The following TUBA8 variants were observed in gnomAD, a reference collection of about 807,000 sequenced individuals.
TUBA8 encodes the protein tubulin alpha 8, also known as tubulin alpha-8 chain.
In TUBA8, 29 loss-of-function variants were observed where a neutral mutation model predicts 34.7. The ratio of observed to expected loss-of-function variants is 0.84; its 90% CI spans 0.62 to 1.14. The LOEUF (loss-of-function observed/expected upper bound fraction) is 1.14. TUBA8 is among the 50% of genes most tolerant of loss of function. TUBA8 has a pLI of 0.00. For missense variants in TUBA8, 541 were observed against 599.2 expected, an observed-to-expected ratio of 0.90 and a Z score of 1.01; for synonymous variants, 226 against 231.2, an observed-to-expected ratio of 0.98 and a Z score of 0.21.
At chr22:18,130,462 C>T in intron 4 of TUBA8, 1 of 263,278 alleles carries the variant, frequency 3.8e-6, no homozygotes, top group Non-Finnish European at 7.3e-6. Flanking sequence ...TTGCTGTGTC[C>T]CTGCCACTGG....
At chr22:18,125,517 A>G (rs947882142) in intron 3 of TUBA8, 2 of 150,776 alleles carry the variant, frequency 1.3e-5, no homozygotes, top group African/African-American at 4.9e-5. Context: ...CTGTCTCAAA[A>G]AAAAAAAAAA....
In TUBA8 at chr22:18,124,023, C is replaced by G. The variant is rs937608439; in HGVS notation, c.227-133C>G. On this transcript the variant is annotated intron_variant, in intron 2 of 4. Coordinates refer to ENST00000330423, the MANE Select transcript of TUBA8 (RefSeq NM_018943.3). The surrounding 1 kb of genome is among the most constrained non-coding windows in gnomAD (Gnocchi z 4.3). ...CTCTTAGCCTTTTGCAGATTCATTA[C>G]GAGGTGGTCTGGCTTCAAACCTCCA... The G allele has an allele frequency of 1.9e-6, 2 of 1,069,888 alleles. No homozygotes were observed. Among genetic ancestry groups the G allele is most frequent in the Non-Finnish European group, 2.8e-6 (2 of 713,582 alleles). The allele number at this position is 1,069,888 out of a possible 1,614,324, so 66.3% of individuals were successfully genotyped here. A position where few individuals can be genotyped will look rare whatever the true frequency, so the allele number is the denominator to read the frequency against.
rs898842986 is a variant in TUBA8 at position 18,124,965 on chromosome 22, G to T, written c.375+661G>T. 6.6e-6 allele frequency: 1 copy of T among 152,172 alleles called. No individual in the cohort carries two copies. The highest frequency in any genetic ancestry group is 2.4e-5 in the African/African-American group (1 of 41,428). 9.4% of individuals were successfully genotyped at this position (152,172 alleles called of 1,614,324 possible). ...CATGTTCTTTCCCTGGGAGGTAAGG[G>T]TGCCAAACTTTTGCATATATTCACT... On this transcript the variant is annotated intron_variant, in intron 3 of 4. Coordinates refer to ENST00000330423, the MANE Select transcript of TUBA8 (RefSeq NM_018943.3). This position sits in a 1 kb window ranked among gnomAD's most constrained non-coding sequence, Gnocchi z 4.3.
Position 18,110,929 on chromosome 22 carries a change from A to G in TUBA8, c.3+61A>G, listed in dbSNP as rs1927783365. The G allele has an allele frequency of 6.5e-7, 1 of 1,536,124 alleles. No homozygotes were observed. Among genetic ancestry groups the G allele is most frequent in the Middle Eastern group, 2.3e-4 (1 of 4,430 alleles). On this transcript the variant is annotated intron_variant, in intron 1 of 4. Transcript: ENST00000330423. This position sits in a 1 kb window ranked among gnomAD's most constrained non-coding sequence, Gnocchi z 6.2. ...GCGGCAGGCGTAGGACCGAGAGCCGAGTCTACGCGGAGGCGCACGGACCCG... is the reference window on the plus strand; with the variant it reads ...GCGGCAGGCGTAGGACCGAGAGCCGGGTCTACGCGGAGGCGCACGGACCCG...
chr22:18,129,876 C>T (rs1425559944), intron 4 of TUBA8: 1 of 152,478 alleles, frequency 6.6e-6, no homozygotes, highest in South Asian at 2.1e-4. Context: ...CCCATGGTTC[C>T]TGGGGTTGGC....
chr22:18,120,614 T>C (rs1928118151), intron 1 of TUBA8: 1 of 152,230 alleles, frequency 6.6e-6, no homozygotes, highest in African/African-American at 2.4e-5. Context: ...GTCTTTTTGG[T>C]AGGATGATTT....
chr22:18,130,713 C>A, intron 4 of TUBA8, 130 bp from the exon 5 acceptor site: 1 of 1,211,230 alleles, frequency 8.3e-7, no homozygotes, highest in South Asian at 1.3e-5. Context: ...TGTTGCATCC[C>A]ATAGCCCCAC....
rs1928308688 is a variant in TUBA8, at chr22:18,126,151, A to C, written c.376-203A>C. 5.0e-6 allele frequency: 3 copies of C among 599,192 alleles called. No homozygotes were observed. Among genetic ancestry groups the C allele is most frequent in the Admixed American group, 2.9e-5 (1 of 34,136 alleles). The allele number at this position is 599,192 out of a possible 1,614,324, so 37.1% of individuals were successfully genotyped here. On this transcript the variant is annotated intron_variant, in intron 3 of 4. Coordinates refer to ENST00000330423, the MANE Select transcript of TUBA8 (RefSeq NM_018943.3). The surrounding 1 kb of genome is among the most constrained non-coding windows in gnomAD (Gnocchi z 4.0). ...CTGCTGGGATTACAGGCATTGAGTC[A>C]CTGTGCCTGGCCCCATCCCATATTT...
Position 18,130,978 on chromosome 22 carries a change from A to T in TUBA8, c.1192A>T (p.Met398Leu). 2 of 1,614,034 alleles carry T rather than the reference A, an allele frequency of 1.2e-6. No homozygotes were observed. The highest frequency in any genetic ancestry group is 1.7e-6 in the Non-Finnish European group (2 of 1,180,000). ...CCGCCTCGACCACAAGTTCGACCTCATGTACGCCAAGCGGGCCTTTGTGCA... is the reference window on the plus strand; with the variant it reads ...CCGCCTCGACCACAAGTTCGACCTCTTGTACGCCAAGCGGGCCTTTGTGCA... The part of the protein sequence containing the change: ...WARLDHKFDL[M>L]YAKRAFVHWY... Residue 398 changes from methionine (M) to leucine (L), a missense_variant, in exon 5 of 5, where the codon ATG (methionine) becomes TTG (leucine). Met to Leu is a conservative substitution (Grantham distance 15). Transcript: ENST00000330423.
intron 4 of TUBA8, chr22:18,127,306 A>T: frequency 2.3e-6 from 1 of 430,606 alleles, no homozygotes; most frequent in African/African-American, 2.0e-5. Context: ...GCAACAAGTA[A>T]TGATTTGGTA....
Position 18,121,665 on chromosome 22 carries a change from C to T in TUBA8, c.190C>T (p.Arg64Trp), listed in dbSNP as rs903056481. ...SETGNGKHVP[R>W]AVMIDLEPTV... ...GACTGGCAATGGGAAGCATGTGCCC[C>T]GGGCCGTCATGATAGATCTGGAGCC... is the stretch of plus-strand genomic sequence containing the variant. Residue 64 changes from arginine to tryptophan, a missense_variant, in exon 2 of 5, where the codon CGG becomes TGG. Coordinates refer to ENST00000330423, the MANE Select transcript of TUBA8 (RefSeq NM_018943.3). This position sits in a 1 kb window ranked among gnomAD's most constrained non-coding sequence, Gnocchi z 4.8. The T allele has an allele frequency of 5.1e-5, 82 of 1,614,062 alleles. No individual in the cohort carries two copies. The highest frequency in any genetic ancestry group is 6.6e-5 in the South Asian group (6 of 91,096).
chr22:18,113,137 C>T (rs1257672715), intron 1 of TUBA8: 1 of 152,266 alleles, frequency 6.6e-6, no homozygotes, highest in Non-Finnish European at 1.5e-5. Flanking sequence ...CATTTTTCCT[C>T]TGTGAACTTA....
intron 4 of TUBA8, 161 bp downstream of exon 4, chr22:18,127,195 A>G: frequency 1.4e-6 from 1 of 726,206 alleles, no homozygotes; most frequent in East Asian, 2.7e-5. Flanking sequence ...TGGTTGAGAC[A>G]CAAGTGCTGT....
At chr22:18,129,785 C>T (rs890247455) in intron 4 of TUBA8, 2 of 152,172 alleles carry the variant, frequency 1.3e-5, no homozygotes, top group Non-Finnish European at 2.9e-5. Flanking sequence ...GTGGTGGTCT[C>T]AGTGGGAGAG....
chr22:18,131,360 A>G lies in TUBA8; in HGVS notation c.*224A>G. On this transcript the variant is annotated 3_prime_UTR_variant, in exon 5 of 5. Coordinates refer to ENST00000330423, the MANE Select transcript of TUBA8 (RefSeq NM_018943.3). This position sits in a 1 kb window ranked among gnomAD's most constrained non-coding sequence, Gnocchi z 5.3. Reference sequence around the variant, plus strand: ...CAGCTTTGTGTCACTAAAGAAAGTGAGGGCCACTGTCTCCGGCGGGTGAGG... The same window carrying G: ...CAGCTTTGTGTCACTAAAGAAAGTGGGGGCCACTGTCTCCGGCGGGTGAGG... 1 of 566,642 alleles carries G rather than the reference A, an allele frequency of 1.8e-6. No homozygotes were observed. The highest frequency in any genetic ancestry group is 3.2e-6 in the Non-Finnish European group (1 of 317,148). The allele number at this position is 566,642 out of a possible 1,614,324, so 35.1% of individuals were successfully genotyped here. A position where few individuals can be genotyped will look rare whatever the true frequency, so the allele number is the denominator to read the frequency against.
Position 18,131,480 on chromosome 22 carries a change from G to A in TUBA8, c.*344G>A. On this transcript the variant is annotated 3_prime_UTR_variant, in exon 5 of 5. Coordinates refer to ENST00000330423, the MANE Select transcript of TUBA8 (RefSeq NM_018943.3). The surrounding 1 kb of genome is among the most constrained non-coding windows in gnomAD (Gnocchi z 5.3). ...CCCAAAACATGGCCTGCTGGCTGGG[G>A]AGTGGGAACACTCAGAGAAAGGGGA... is the stretch of plus-strand genomic sequence containing the variant. 2.9e-6 allele frequency: 1 copy of A among 342,658 alleles called. No homozygotes were observed. The highest frequency in any genetic ancestry group is 5.5e-6 in the Non-Finnish European group (1 of 180,372). 21.2% of individuals were successfully genotyped at this position (342,658 alleles called of 1,614,324 possible).
rs1427379512 is a variant in TUBA8 at position 18,121,410 on chromosome 22, T to C, written c.4-69T>C. The stretch of plus-strand genomic sequence containing the variant: ...TGGCTGGCCTGCAAGGTGAATGTTA[T>C]GGGGATGTAGGGCAAAGGCATGCTG... On this transcript the variant is annotated intron_variant, in intron 1 of 4. Transcript: ENST00000330423. This position sits in a 1 kb window ranked among gnomAD's most constrained non-coding sequence, Gnocchi z 4.8. 2.1e-6 allele frequency: 3 copies of C among 1,405,918 alleles called. No individual in the cohort carries two copies. Among genetic ancestry groups the C allele is most frequent in the Admixed American group, 1.7e-5 (1 of 59,678 alleles). 87.1% of individuals were successfully genotyped at this position (1,405,918 alleles called of 1,614,324 possible). A position where few individuals can be genotyped will look rare whatever the true frequency, so the allele number is the denominator to read the frequency against.
intron 4 of TUBA8, chr22:18,130,610 A>G (rs1453095378): frequency 2.4e-5 from 13 of 533,072 alleles, no homozygotes; most frequent in Non-Finnish European, 4.3e-5. Context: ...TTTTTTTGGT[A>G]GAGATGGGTT....
At chr22:18,122,539 T>A (rs142339137) in intron 2 of TUBA8, 21 of 152,410 alleles carry the variant, frequency 1.4e-4, no homozygotes, top group African/African-American at 4.8e-4. Flanking sequence ...GGGCCTGATG[T>A]GTCTTGATCT....
Sources: allele counts gnomAD v4.1 joint callset, GRCh38; gene constraint gnomAD v4.1.1; non-coding constraint Gnocchi (gnomAD v3.1); transcripts MANE v1.5; gene names NCBI Gene and HGNC (gene_info 2026-07-23, HGNC 2026-07-21).